Variants in ARHGAP6 observed in about 807,000 individuals in gnomAD.
The protein encoded by ARHGAP6 is rho GTPase-activating protein 6.
A neutral mutation model predicts 55.7 loss-of-function variants in ARHGAP6; 16 were observed. That is an observed-to-expected ratio of 0.29 (90% CI 0.19 to 0.44). The LOEUF is 0.44. ARHGAP6 is among the 20% of genes least tolerant of loss of function. The pLI is 1.00. For synonymous variants in ARHGAP6, 382 were observed against 360.9 expected (o/e 1.06, Z -0.66); for missense variants, 698 against 808.9 (o/e 0.86, Z 1.66).
chrX:11,327,930 A>AAGGTACTTTAC (rs199989563), intron 1 of ARHGAP6, among the ~76,000 whole-genome samples: 5 of 110,556 alleles, frequency 4.5e-5, no homozygotes, highest in East Asian at 2.8e-4. Context: ...CAGGGTTTTA[A>AAGGTACTTTAC]AGGTACTTTA....
chrX:11,458,597 A>C (rs2050215588), intron 1 of ARHGAP6, among the ~76,000 whole-genome samples: 1 of 112,332 alleles, frequency 8.9e-6, no homozygotes, highest in Admixed American at 9.5e-5. Context: ...TTCATTTATC[A>C]AAAGGTAGTG....
At chrX:11,516,177 T>C (rs1369545801) in intron 1 of ARHGAP6, among the ~76,000 whole-genome samples, 1 of 112,687 alleles carries the variant, frequency 8.9e-6, no homozygotes, top group African/African-American at 3.2e-5. Context: ...TACTAAGTAT[T>C]TTTTAAAATT....
chrX:11,460,295 G>A (rs1210160074), intron 1 of ARHGAP6, among the ~76,000 whole-genome samples: 1 of 111,352 alleles, frequency 9.0e-6, no homozygotes, highest in Non-Finnish European at 1.9e-5. Flanking sequence ...GCTGACAGCT[G>A]GCAAGAAAAG....
At chrX:11,426,014 A>G (rs2049875008) in intron 1 of ARHGAP6, among the ~76,000 whole-genome samples, 1 of 112,037 alleles carries the variant, frequency 8.9e-6, no homozygotes. Context: ...ACTACTTTAA[A>G]AGGCAAATCA....
At chrX:11,336,560 A>G (rs1161301464) in intron 1 of ARHGAP6, among the ~76,000 whole-genome samples, 2 of 112,026 alleles carry the variant, frequency 1.8e-5, no homozygotes, top group Non-Finnish European at 3.8e-5. Flanking sequence ...GCCTTAATAT[A>G]CAGCCCCAGA....
intron 1 of ARHGAP6, among the ~76,000 whole-genome samples, chrX:11,332,236 A>G (rs1214887061): frequency 8.9e-6 from 1 of 111,966 alleles, no homozygotes; most frequent in Non-Finnish European, 1.9e-5. Context: ...TGAATAATCA[A>G]ATTATTCAAT....
At chrX:11,412,549 C>T (rs1248689464) in intron 1 of ARHGAP6, among the ~76,000 whole-genome samples, 1 of 111,745 alleles carries the variant, frequency 8.9e-6, no homozygotes, top group Non-Finnish European at 1.9e-5. Context: ...GTTTAAAAAC[C>T]ATCACTTTTC....
chrX:11,144,458 C>T (rs2147268187), intron 10 of ARHGAP6, among the ~76,000 whole-genome samples: 1 of 112,185 alleles, frequency 8.9e-6, no homozygotes, highest in East Asian at 2.8e-4. Context: ...TAAAACCCAA[C>T]AGATATAACA....
chrX:11,360,707 A>C (rs2048998736), intron 1 of ARHGAP6, among the ~76,000 whole-genome samples: 1 of 110,340 alleles, frequency 9.1e-6, no homozygotes, highest in Non-Finnish European at 1.9e-5. Flanking sequence ...GGAAAAGAGG[A>C]AGTCAAATTG....
intron 3 of ARHGAP6, among the ~76,000 whole-genome samples, chrX:11,195,499 C>T (rs1433815590): frequency 9.0e-6 from 1 of 110,933 alleles, no homozygotes; most frequent in East Asian, 2.8e-4. Flanking sequence ...CAAGGGGACA[C>T]AAAACAGTAA....
chrX:11,620,257 C>T (rs1297329842), intron 1 of ARHGAP6, among the ~76,000 whole-genome samples: 1 of 111,925 alleles, frequency 8.9e-6, no homozygotes, highest in Non-Finnish European at 1.9e-5. Flanking sequence ...AAATGTTGAA[C>T]TACCAAGAAG....
intron 1 of ARHGAP6, among the ~76,000 whole-genome samples, chrX:11,359,384 G>A (rs1222776448): frequency 8.9e-6 from 1 of 112,222 alleles, no homozygotes; most frequent in Non-Finnish European, 1.9e-5. Flanking sequence ...ATAATAAGAG[G>A]ACATTATGTT....
At chrX:11,630,010 AGT>A (rs201976499) in intron 1 of ARHGAP6, among the ~76,000 whole-genome samples, 17 of 107,311 alleles carry the variant, frequency 1.6e-4, no homozygotes, top group South Asian at 4.1e-4. Context: ...TCCCCCAACT[AGT>A]GTGTGTGTGT....
At chrX:11,178,377 C>T (rs2046264041) in intron 7 of ARHGAP6, 129 bp from the exon 8 acceptor site, 2 of 775,053 alleles carry the variant, frequency 2.6e-6, no homozygotes, top group Admixed American at 4.1e-5. Flanking sequence ...TGCCTTCACT[C>T]ATTTGCCCAT....
chrX:11,488,628 C>T (rs757765148), intron 1 of ARHGAP6, among the ~76,000 whole-genome samples: 31 of 110,782 alleles, frequency 2.8e-4, no homozygotes, highest in Admixed American at 9.6e-4. Context: ...AGGAGGTAAG[C>T]AGCAGACCAG....
At chrX:11,154,369 G>T (rs1412925869) in intron 10 of ARHGAP6, among the ~76,000 whole-genome samples, 1 of 112,217 alleles carries the variant, frequency 8.9e-6, no homozygotes, top group African/African-American at 3.2e-5. Flanking sequence ...CAATTGTACA[G>T]CTTGGAATGG....
chrX:11,653,122 A>T (rs1240869973), intron 1 of ARHGAP6, among the ~76,000 whole-genome samples: 1 of 112,118 alleles, frequency 8.9e-6, no homozygotes, highest in African/African-American at 3.2e-5. Flanking sequence ...TGAGAAGCAC[A>T]CTGCCATTTA....
chrX:11,616,924 G>A (rs760060978), intron 1 of ARHGAP6, among the ~76,000 whole-genome samples: 2 of 111,637 alleles, frequency 1.8e-5, no homozygotes, highest in East Asian at 2.8e-4. Context: ...TGAGAAACCC[G>A]GGTCTTATTC....
intron 1 of ARHGAP6, among the ~76,000 whole-genome samples, chrX:11,585,626 T>C (rs2051724299): frequency 1.8e-5 from 2 of 112,687 alleles, no homozygotes; most frequent in African/African-American, 6.4e-5. Context: ...TTAATGGTGT[T>C]TTGTTTTTTC....
Sources: allele counts gnomAD v4.1 joint callset (sites outside exome capture counted in the v4.1 genomes callset), GRCh38; gene constraint gnomAD v4.1.1; transcripts MANE v1.5; gene names NCBI Gene and HGNC (gene_info 2026-07-23, HGNC 2026-07-21).